Variants in NDFIP1 observed in about 807,000 individuals in gnomAD.
The protein encoded by NDFIP1 is Nedd4 family interacting protein 1.
In NDFIP1, 7 loss-of-function variants were observed where a neutral mutation model predicts 28.8. That is an observed-to-expected ratio of 0.24 (90% CI 0.14 to 0.46). The LOEUF is 0.46. NDFIP1 is among the 20% of genes least tolerant of loss of function. The probability of loss-of-function intolerance (pLI) is 0.99; values close to 1 mark genes in which losing one functional copy is unlikely to be tolerated. For synonymous variants in NDFIP1, 92 were observed against 101.0 expected (o/e 0.91, Z 0.53); for missense variants, 194 against 269.1 (o/e 0.72, Z 1.95).
At chr5:142,126,178 G>C (rs963742745) in intron 1 of NDFIP1, among the ~76,000 whole-genome samples, 5 of 152,136 alleles carry the variant, frequency 3.3e-5, no homozygotes, top group Non-Finnish European at 5.9e-5. Flanking sequence ...TTTACCAAAA[G>C]AAATGTGCTT....
chr5:142,116,406 T>C (rs1388192622), intron 1 of NDFIP1, among the ~76,000 whole-genome samples: 1 of 151,638 alleles, frequency 6.6e-6, no homozygotes, highest in Non-Finnish European at 1.5e-5. Flanking sequence ...TCTTGCTCTG[T>C]TCCCCAGGCT....
At chr5:142,149,646 T>C (rs541190797) in intron 7 of NDFIP1, among the ~76,000 whole-genome samples, 3 of 152,278 alleles carry the variant, frequency 2.0e-5, no homozygotes, top group East Asian at 1.9e-4. Flanking sequence ...TGGTGACCTC[T>C]CTAGGTCCTC....
chr5:142,149,669 A>G (rs1025891238), intron 7 of NDFIP1, among the ~76,000 whole-genome samples: 3 of 151,990 alleles, frequency 2.0e-5, no homozygotes, highest in African/African-American at 7.3e-5. Flanking sequence ...GAGATATTTT[A>G]TTTTAATTTA....
intron 1 of NDFIP1, among the ~76,000 whole-genome samples, chr5:142,117,034 C>T (rs933900575): frequency 5.3e-5 from 8 of 151,768 alleles, no homozygotes; most frequent in African/African-American, 1.9e-4. Context: ...TATTTCTTAT[C>T]CCCCTCCCCG....
intron 7 of NDFIP1, among the ~76,000 whole-genome samples, chr5:142,147,020 G>A (rs1203789050): frequency 6.6e-6 from 1 of 152,154 alleles, no homozygotes; most frequent in Non-Finnish European, 1.5e-5. Flanking sequence ...TGCTTCAGGA[G>A]TGTACGTTAA....
chr5:142,139,071 A>T (rs901236497), intron 5 of NDFIP1, among the ~76,000 whole-genome samples: 17 of 151,948 alleles, frequency 1.1e-4, no homozygotes, highest in Non-Finnish European at 2.2e-4. Flanking sequence ...TACAAAAAAA[A>T]TAGCCAGACA....
chr5:142,123,261 C>T (rs1228961949), intron 1 of NDFIP1, among the ~76,000 whole-genome samples: 1 of 152,124 alleles, frequency 6.6e-6, no homozygotes, highest in Non-Finnish European at 1.5e-5. Flanking sequence ...CTGTGCCTGG[C>T]CCAAACAAGT....
intron 1 of NDFIP1, among the ~76,000 whole-genome samples, chr5:142,110,113 G>A (rs1756998067): frequency 7.0e-6 from 1 of 143,228 alleles, no homozygotes; most frequent in African/African-American, 2.6e-5. Context: ...GCGGCCGGCC[G>A]GTTACTGGTT....
intron 1 of NDFIP1, among the ~76,000 whole-genome samples, chr5:142,128,283 A>G (rs939900122): frequency 1.3e-5 from 2 of 152,228 alleles, no homozygotes; most frequent in Non-Finnish European, 2.9e-5. Flanking sequence ...TCTTTCAGAA[A>G]GTGTCAGGAA....
At chr5:142,130,122 T>A (rs1430441558) in intron 1 of NDFIP1, among the ~76,000 whole-genome samples, 3 of 152,118 alleles carry the variant, frequency 2.0e-5, no homozygotes, top group Non-Finnish European at 4.4e-5. Flanking sequence ...GACCCCTACG[T>A]CAGTTATATC....
At chr5:142,111,740 A>C (rs1757016322) in intron 1 of NDFIP1, among the ~76,000 whole-genome samples, 1 of 152,220 alleles carries the variant, frequency 6.6e-6, no homozygotes, top group South Asian at 2.1e-4. Context: ...TATGTGGACA[A>C]CTTGAATTTA....
At chr5:142,113,772 G>T (rs571617877) in intron 1 of NDFIP1, among the ~76,000 whole-genome samples, 1 of 152,050 alleles carries the variant, frequency 6.6e-6, no homozygotes, top group Non-Finnish European at 1.5e-5. Flanking sequence ...TTTGACTACC[G>T]TAGGTACCTC....
chr5:142,142,938 A>ATATAT (rs1418610556), intron 6 of NDFIP1: 7 of 81,314 alleles, frequency 8.6e-5, no homozygotes, highest in African/African-American at 2.5e-4. Context: ...AAAAAAAAAA[A>ATATAT]AAATATATAT....
chr5:142,147,981 T>G (rs1561605800), intron 7 of NDFIP1, among the ~76,000 whole-genome samples: 1 of 152,260 alleles, frequency 6.6e-6, no homozygotes, highest in Non-Finnish European at 1.5e-5. Flanking sequence ...TTTTCTTTTA[T>G]GGACTTCTAC....
intron 5 of NDFIP1, among the ~76,000 whole-genome samples, chr5:142,139,757 G>A (rs371943184): frequency 6.6e-6 from 1 of 152,036 alleles, no homozygotes; most frequent in Non-Finnish European, 1.5e-5. Context: ...TAGAAAGAAG[G>A]CAATGGTATC....
At chr5:142,140,186 C>G (rs1757313257) in intron 5 of NDFIP1, among the ~76,000 whole-genome samples, 1 of 152,032 alleles carries the variant, frequency 6.6e-6, no homozygotes, top group Non-Finnish European at 1.5e-5. Context: ...CGGTAGCTCA[C>G]GCCTGTAATC....
At chr5:142,138,600 A>T (rs746532826) in intron 5 of NDFIP1, among the ~76,000 whole-genome samples, 33 of 152,110 alleles carry the variant, frequency 2.2e-4, no homozygotes, top group Non-Finnish European at 4.3e-4. Flanking sequence ...ACGTAGTGCC[A>T]CCTTATTTAT....
chr5:142,144,291 A>C (rs1052188251), intron 6 of NDFIP1: 4 of 209,752 alleles, frequency 1.9e-5, no homozygotes, highest in Non-Finnish European at 3.8e-5. Context: ...TGAGGCTTTC[A>C]TATGTAAATG....
intron 1 of NDFIP1, among the ~76,000 whole-genome samples, chr5:142,129,239 G>T (rs1757201278): frequency 6.6e-6 from 1 of 152,192 alleles, no homozygotes; most frequent in Non-Finnish European, 1.5e-5. Flanking sequence ...CACAAGAGTG[G>T]TTAGGTGTGA....
Sources: allele counts gnomAD v4.1 joint callset (sites outside exome capture counted in the v4.1 genomes callset), GRCh38; gene constraint gnomAD v4.1.1; transcripts MANE v1.5; gene names NCBI Gene and HGNC (gene_info 2026-07-23, HGNC 2026-07-21).